The following SGMS1 variants were observed in gnomAD, a reference collection of about 807,000 sequenced individuals.
SGMS1 encodes the protein sphingomyelin synthase 1.
A neutral mutation model predicts 46.2 loss-of-function variants in SGMS1; 13 were observed. The observed-to-expected ratio is 0.28, with a 90% CI of 0.18 to 0.45. The LOEUF is 0.45. SGMS1 is among the 20% of genes least tolerant of loss of function. The probability of loss-of-function intolerance (pLI) is 1.00; values close to 1 mark genes in which losing one functional copy is unlikely to be tolerated. For missense variants in SGMS1, 324 were observed against 519.9 expected, an observed-to-expected ratio of 0.62 and a Z score of 3.66; for synonymous variants, 203 against 187.8, an observed-to-expected ratio of 1.08 and a Z score of -0.66.
chr10:50,557,033 A>C (rs1838194668), intron 2 of SGMS1, among the ~76,000 whole-genome samples: 1 of 152,196 alleles, frequency 6.6e-6, no homozygotes, highest in Non-Finnish European at 1.5e-5. Flanking sequence ...AATAAAATTA[A>C]TATTAATAAG....
chr10:50,441,896 T>C (rs1360813186), intron 5 of SGMS1, among the ~76,000 whole-genome samples: 2 of 152,228 alleles, frequency 1.3e-5, no homozygotes, highest in African/African-American at 2.4e-5. Flanking sequence ...ATAAAAAGTA[T>C]AGTGACAAAA....
At chr10:50,448,120 C>A (rs1203091499) in intron 5 of SGMS1, among the ~76,000 whole-genome samples, 3 of 152,114 alleles carry the variant, frequency 2.0e-5, no homozygotes, top group Non-Finnish European at 4.4e-5. Context: ...TTTGTCCCCA[C>A]CACTGTATAT....
rs145048761 is a variant in SGMS1, at chr10:50,591,867, C to A, written c.-683-1620G>T. ...ATGATGGCCCTACTTGGCGCTTCATCTGCTAATCACCAGAATTCTGTAGAC... is the reference window on the plus strand; with the variant it reads ...ATGATGGCCCTACTTGGCGCTTCATATGCTAATCACCAGAATTCTGTAGAC... On this transcript the variant is annotated intron_variant, in intron 1 of 10. Transcript: ENST00000361781. Among the ~76,000 whole-genome samples the A allele has an allele frequency of 8.7e-3, 1,328 of 152,332 alleles. 10 individuals are homozygous for A. The highest frequency in any genetic ancestry group is 0.013 in the Non-Finnish European group (882 of 68,030).
At chr10:50,584,492 C>A (rs1418151326) in intron 2 of SGMS1, among the ~76,000 whole-genome samples, 1 of 130,760 alleles carries the variant, frequency 7.6e-6, no homozygotes. Context: ...GTGCGAGACT[C>A]CATCTCAAAA....
chr10:50,615,557 G>A (rs1465237610), intron 1 of SGMS1, among the ~76,000 whole-genome samples: 5 of 152,088 alleles, frequency 3.3e-5, no homozygotes, highest in African/African-American at 1.2e-4. Context: ...CAGGGTCCAG[G>A]GTCAGGGCTC....
intron 2 of SGMS1, among the ~76,000 whole-genome samples, chr10:50,553,276 C>T (rs1242337776): frequency 1.3e-5 from 2 of 152,112 alleles, no homozygotes; most frequent in African/African-American, 2.4e-5. Context: ...GGTTCAAATC[C>T]CAGCTTTAAC....
At chr10:50,485,768 T>G (rs1837515850) in intron 3 of SGMS1, among the ~76,000 whole-genome samples, 1 of 151,990 alleles carries the variant, frequency 6.6e-6, no homozygotes, top group Non-Finnish European at 1.5e-5. Flanking sequence ...GGTGGGGTGG[T>G]GCACACCTGT....
chr10:50,418,794 T>C (rs1391756666), intron 6 of SGMS1, among the ~76,000 whole-genome samples: 1 of 152,216 alleles, frequency 6.6e-6, no homozygotes, highest in Non-Finnish European at 1.5e-5. Context: ...CCTCTGACAC[T>C]GTGTGGCCTT....
intron 5 of SGMS1, among the ~76,000 whole-genome samples, chr10:50,442,793 A>T (rs895934085): frequency 1.3e-5 from 2 of 152,022 alleles, no homozygotes; most frequent in African/African-American, 2.4e-5. Flanking sequence ...GCTTGCAAAA[A>T]TTTTCTCCTA....
chr10:50,365,658 C>A (rs1036843675), intron 6 of SGMS1, among the ~76,000 whole-genome samples: 7 of 152,046 alleles, frequency 4.6e-5, no homozygotes, highest in Admixed American at 6.6e-5. Context: ...TGTTCGACTC[C>A]CACTTATGAG....
At chr10:50,622,148 T>C (rs1838857792) in intron 1 of SGMS1, among the ~76,000 whole-genome samples, 1 of 152,222 alleles carries the variant, frequency 6.6e-6, no homozygotes, top group South Asian at 2.1e-4. Context: ...GCTGGAAGGC[T>C]GCCACCTGCT....
intron 3 of SGMS1, among the ~76,000 whole-genome samples, chr10:50,469,226 A>G (rs1837357681): frequency 6.6e-6 from 1 of 152,240 alleles, no homozygotes; most frequent in Non-Finnish European, 1.5e-5. Context: ...CTAGTGATTC[A>G]TTCACTATTT....
At chr10:50,334,442 A>C (rs1311477398) in intron 7 of SGMS1, 1 of 152,178 alleles carries the variant, frequency 6.6e-6, no homozygotes, top group African/African-American at 2.4e-5. Flanking sequence ...CCCATCATCA[A>C]AACTTAACCA....
intron 8 of SGMS1, among the ~76,000 whole-genome samples, chr10:50,322,808 C>T (rs1327522930): frequency 2.2e-5 from 3 of 136,290 alleles, no homozygotes; most frequent in African/African-American, 8.6e-5. Flanking sequence ...GTCCGCAGTC[C>T]GGCCTGGGCG....
intron 1 of SGMS1, chr10:50,623,445 G>A (rs12360512): frequency 3.8e-5 from 13 of 346,500 alleles, no homozygotes; most frequent in Non-Finnish European, 4.9e-5. Context: ...CAACTTAGCC[G>A]GGGAGCCCCG....
At chr10:50,589,415 C>G (rs1838518426) in intron 2 of SGMS1, among the ~76,000 whole-genome samples, 6 of 151,662 alleles carry the variant, frequency 4.0e-5, no homozygotes, top group Admixed American at 3.9e-4. Context: ...GCATGTGCCA[C>G]CATGACTGGC....
chr10:50,570,971 A>G (rs1421970399), intron 2 of SGMS1, among the ~76,000 whole-genome samples: 1 of 152,128 alleles, frequency 6.6e-6, no homozygotes, highest in Non-Finnish European at 1.5e-5. Flanking sequence ...ATTTTTAAAT[A>G]AAATAAATTA....
At chr10:50,349,182 C>G (rs1344340303) in intron 6 of SGMS1, among the ~76,000 whole-genome samples, 3 of 152,168 alleles carry the variant, frequency 2.0e-5, no homozygotes. Context: ...CAAAATTATT[C>G]CTTCCTTAAA....
chr10:50,330,038 C>G (rs1049803787), intron 7 of SGMS1, among the ~76,000 whole-genome samples: 8 of 152,140 alleles, frequency 5.3e-5, no homozygotes, highest in African/African-American at 1.9e-4. Flanking sequence ...CATGTTATGT[C>G]AAGTACATGC....
Sources: gnomAD v4.1 joint callset for allele counts (sites outside exome capture counted in the v4.1 genomes callset) on GRCh38, gnomAD v4.1.1 for gene constraint, MANE v1.5 for transcripts, NCBI Gene and HGNC (gene_info 2026-07-23, HGNC 2026-07-21) for gene names.